GULP1: variants seen among roughly 807,000 people sequenced by gnomAD.
The protein encoded by GULP1 is PTB domain-containing engulfment adapter protein 1.
GULP1 carries 19 observed loss-of-function variants against 40.9 expected under a neutral mutation model. The ratio of observed to expected loss-of-function variants is 0.46; its 90% CI spans 0.32 to 0.68. The LOEUF (loss-of-function observed/expected upper bound fraction) is 0.68, where lower values mean the gene tolerates loss of function less well. Among genes scored for constraint, GULP1 ranks in the 30% least tolerant of loss-of-function variants. GULP1 has a pLI of 0.03. For missense variants in GULP1, 312 were observed against 362.2 expected (o/e 0.86, Z 1.12); for synonymous variants, 119 against 117.6 (o/e 1.01, Z -0.08).
intron 1 of GULP1, among the ~76,000 whole-genome samples, chr2:188,335,183 A>G (rs972260355): frequency 1.3e-5 from 2 of 152,230 alleles, no homozygotes; most frequent in African/African-American, 4.8e-5. Context: ...GTAATATAAT[A>G]ATTAATGGAA....
chr2:188,462,036 TTTC>T (rs140778017), intron 2 of GULP1, among the ~76,000 whole-genome samples: 11,343 of 152,116 alleles, frequency 0.075, 563 homozygotes, highest in Non-Finnish European at 0.11. Context: ...ATTTGAAGTT[TTTC>T]TTCTTTTTTG....
chr2:188,318,310 T>C (rs2039438757), intron 1 of GULP1, among the ~76,000 whole-genome samples: 1 of 149,838 alleles, frequency 6.7e-6, no homozygotes, highest in African/African-American at 2.5e-5. Flanking sequence ...ATAAATTTTT[T>C]ATAGCTAGTA....
chr2:188,519,150 TA>T (rs2065481055), intron 4 of GULP1, among the ~76,000 whole-genome samples: 1 of 152,182 alleles, frequency 6.6e-6, no homozygotes. Context: ...TTGGGTTAAG[TA>T]GAGTGCTCCA....
chr2:188,540,835 C>T (rs1015147663), intron 6 of GULP1, among the ~76,000 whole-genome samples: 3 of 151,974 alleles, frequency 2.0e-5, no homozygotes, highest in Non-Finnish European at 4.4e-5. Flanking sequence ...GTGTCTTATT[C>T]TTTCTGGGTC....
intron 1 of GULP1, among the ~76,000 whole-genome samples, chr2:188,365,408 A>G (rs1476007722): frequency 1.3e-5 from 2 of 152,194 alleles, no homozygotes; most frequent in African/African-American, 4.8e-5. Flanking sequence ...AACAGTATGT[A>G]TGACTGTTTT....
intron 2 of GULP1, among the ~76,000 whole-genome samples, chr2:188,404,196 C>T (rs2052722750): frequency 6.6e-6 from 1 of 152,066 alleles, no homozygotes; most frequent in Non-Finnish European, 1.5e-5. Flanking sequence ...AAGAAACCCT[C>T]AATAAATTCA....
intron 2 of GULP1, among the ~76,000 whole-genome samples, chr2:188,476,991 T>C (rs2061064905): frequency 2.0e-5 from 3 of 152,130 alleles, no homozygotes; most frequent in African/African-American, 7.2e-5. Flanking sequence ...GCTGCTGAAT[T>C]TGATGTGTAA....
At chr2:188,519,385 G>A (rs1293739416) in intron 4 of GULP1, among the ~76,000 whole-genome samples, 2 of 152,140 alleles carry the variant, frequency 1.3e-5, no homozygotes, top group Non-Finnish European at 1.5e-5. Flanking sequence ...CATTCCTGCT[G>A]AAGTTTGAAT....
intron 10 of GULP1, among the ~76,000 whole-genome samples, chr2:188,587,373 T>A (rs1022116445): frequency 6.6e-6 from 1 of 152,084 alleles, no homozygotes; most frequent in Non-Finnish European, 1.5e-5. Flanking sequence ...AAATTTTCTC[T>A]GAATAAAAGG....
rs187529204 is a variant in GULP1 at position 188,393,478 on chromosome 2, G to A, written c.-45+9589G>A. The stretch of plus-strand genomic sequence containing the variant: ...TTATATGAGTCTTTATGTGTTAGGT[G>A]AGTCTCTTGAAAACAGCAGATATTT... On this transcript the variant is annotated intron_variant, in intron 2 of 11. Coordinates refer to ENST00000409830, the MANE Select transcript of GULP1 (RefSeq NM_016315.4). 2.7e-3 allele frequency among the ~76,000 whole-genome samples: 417 copies of A among 151,982 alleles called. 3 individuals carry two copies. Among genetic ancestry groups the A allele is most frequent in the African/African-American group, 9.4e-3 (388 of 41,458 alleles).
At chr2:188,472,899 C>T (rs1387541770) in intron 2 of GULP1, among the ~76,000 whole-genome samples, 1 of 152,146 alleles carries the variant, frequency 6.6e-6, no homozygotes. Context: ...GTAGTCTTTG[C>T]AGTCTGCTCT....
intron 9 of GULP1, among the ~76,000 whole-genome samples, chr2:188,579,630 T>C (rs891176555): frequency 4.6e-5 from 7 of 152,182 alleles, no homozygotes; most frequent in Non-Finnish European, 8.8e-5. Flanking sequence ...GGACTAGTTC[T>C]GGAGTATTAA....
chr2:188,418,969 T>A (rs1250883845), intron 2 of GULP1, among the ~76,000 whole-genome samples: 1 of 152,224 alleles, frequency 6.6e-6, no homozygotes, highest in African/African-American at 2.4e-5. Context: ...AGTGGAATTA[T>A]GTAGGATTTG....
At chr2:188,577,622 T>C (rs890519239) in intron 9 of GULP1, among the ~76,000 whole-genome samples, 1 of 142,480 alleles carries the variant, frequency 7.0e-6, no homozygotes, top group Non-Finnish European at 1.6e-5. Flanking sequence ...AGCCTCTCCT[T>C]CTTTCAGTTT....
chr2:188,350,644 T>C (rs2152287495), intron 1 of GULP1, among the ~76,000 whole-genome samples: 1 of 152,192 alleles, frequency 6.6e-6, no homozygotes, highest in South Asian at 2.1e-4. Context: ...TTCCTCCTTT[T>C]CAATGTGGAT....
At chr2:188,322,627 A>C (rs542446392) in intron 1 of GULP1, among the ~76,000 whole-genome samples, 1 of 152,048 alleles carries the variant, frequency 6.6e-6, no homozygotes, top group African/African-American at 2.4e-5. Flanking sequence ...TTGTTATTTC[A>C]GCTGTTTTAT....
At chr2:188,593,087 C>A (rs1243750932) in intron 11 of GULP1, 1 of 152,172 alleles carries the variant, frequency 6.6e-6, no homozygotes, top group Middle Eastern at 3.4e-3. Flanking sequence ...CCTCCACTTT[C>A]ATTGATCAGT....
At chr2:188,419,823 A>G (rs974081473) in intron 2 of GULP1, among the ~76,000 whole-genome samples, 1 of 152,146 alleles carries the variant, frequency 6.6e-6, no homozygotes, top group Non-Finnish European at 1.5e-5. Context: ...TAGGAGTTTA[A>G]CAATTTTGAG....
At chr2:188,588,092 A>G in intron 11 of GULP1, 143 bp downstream of exon 11, 1 of 686,668 alleles carries the variant, frequency 1.5e-6, no homozygotes, top group Non-Finnish European at 2.7e-6. Context: ...TAAAATAATA[A>G]TGTACAGTTA....
Sources: gnomAD v4.1 joint callset for allele counts (sites outside exome capture counted in the v4.1 genomes callset) on GRCh38, gnomAD v4.1.1 for gene constraint, MANE v1.5 for transcripts, NCBI Gene and HGNC (gene_info 2026-07-23, HGNC 2026-07-21) for gene names.